The following CUX1 variants were observed in gnomAD, a reference collection of about 807,000 sequenced individuals.
CUX1 encodes protein CASP.
CUX1 carries 31 observed loss-of-function variants against 158.8 expected under a neutral mutation model. The ratio of observed to expected loss-of-function variants is 0.20; its 90% CI spans 0.15 to 0.26. The LOEUF is 0.26. CUX1 is among the 10% of genes least tolerant of loss of function. The pLI, the probability that CUX1 is intolerant of heterozygous loss-of-function variation, is 1.00. For synonymous variants in CUX1, 879 were observed against 862.1 expected, an observed-to-expected ratio of 1.02 and a Z score of -0.34; for missense variants, 1,589 against 2,014.6, an observed-to-expected ratio of 0.79 and a Z score of 4.04.
At chr7:102,165,046 G>A (rs1790864049) in intron 9 of CUX1, among the ~76,000 whole-genome samples, 1 of 152,174 alleles carries the variant, frequency 6.6e-6, no homozygotes, top group South Asian at 2.1e-4. Context: ...GTTCTCTCTT[G>A]TTGGTTCCAG....
intron 8 of CUX1, among the ~76,000 whole-genome samples, chr7:102,126,625 C>T (rs1015433532): frequency 1.3e-5 from 2 of 152,066 alleles, no homozygotes; most frequent in African/African-American, 2.4e-5. Flanking sequence ...CTATTTTAAG[C>T]GTGCTCAGAA....
At chr7:101,816,400 G>A (rs897270366), upstream of CUX1, among the ~76,000 whole-genome samples, 3 of 142,550 alleles carry the variant, frequency 2.1e-5, no homozygotes, top group Non-Finnish European at 4.7e-5. Flanking sequence ...GCCCCCCCGG[G>A]CCCCGCGCCG....
chr7:102,129,318 T>C (rs111622214), intron 8 of CUX1, among the ~76,000 whole-genome samples: 14 of 152,238 alleles, frequency 9.2e-5, no homozygotes, highest in Admixed American at 2.0e-4. Context: ...TGCCACTAAA[T>C]GTGGTGGCCA....
chr7:101,946,625 G>A (rs969092100), intron 2 of CUX1, among the ~76,000 whole-genome samples: 3 of 151,816 alleles, frequency 2.0e-5, no homozygotes, highest in Non-Finnish European at 4.4e-5. Context: ...GGCAAATGTT[G>A]GGTTGGATTT....
intron 2 of CUX1, among the ~76,000 whole-genome samples, chr7:101,973,161 A>G (rs148566430): frequency 1.3e-5 from 2 of 152,298 alleles, no homozygotes; most frequent in African/African-American, 4.8e-5. Context: ...TTGGGGTTTC[A>G]GCAGAGCCAG....
intron 23 of CUX1, among the ~76,000 whole-genome samples, chr7:102,246,174 G>A (rs560137418): frequency 9.2e-5 from 14 of 152,056 alleles, no homozygotes; most frequent in African/African-American, 3.1e-4. Context: ...ATAGCCTCCC[G>A]CCTCCCCAAC....
chr7:102,248,395 C>A lies in CUX1; in HGVS notation c.3888-17C>A. On this transcript the variant is annotated splice_polypyrimidine_tract_variant and intron_variant, in intron 23 of 23. Coordinates refer to ENST00000292535, the MANE Select transcript of CUX1 (RefSeq NM_181552.4). The surrounding 1 kb of genome is among the most constrained non-coding windows in gnomAD (Gnocchi z 5.8). ...AGCAGCACCCCCCTCACGTCCCCGC[C>A]GCTTGTTGTCTTGTAGGTCTCGGAT... 1 of 1,577,350 alleles carries A rather than the reference C, an allele frequency of 6.3e-7. No homozygotes were observed. Among genetic ancestry groups the A allele is most frequent in the Non-Finnish European group, 8.6e-7 (1 of 1,167,980 alleles).
chr7:102,219,055 A>AAAACACACACACACACACAC (rs1335700833), intron 20 of CUX1, among the ~76,000 whole-genome samples: 1 of 126,248 alleles, frequency 7.9e-6, no homozygotes, highest in Non-Finnish European at 1.6e-5. Flanking sequence ...CCTGCCTCAA[A>AAAACACACACACACACACAC]ACACACACAC....
At chr7:102,163,474 G>A (rs1449283338) in intron 9 of CUX1, among the ~76,000 whole-genome samples, 3 of 152,160 alleles carry the variant, frequency 2.0e-5, no homozygotes, top group South Asian at 2.1e-4. Context: ...CTGGTAGGAC[G>A]GGACCTGGCC....
chr7:101,916,463 G>C lies in CUX1; in HGVS notation c.141+238G>C, dbSNP rs1167889342. ...AATATGAAAGTCAGAGCCAATTCCAGGTGCAGATACTGGACAAGCTTGGTC... is the reference window on the plus strand; with the variant it reads ...AATATGAAAGTCAGAGCCAATTCCACGTGCAGATACTGGACAAGCTTGGTC... On this transcript the variant is annotated intron_variant, in intron 2 of 23. Coordinates refer to ENST00000292535, the MANE Select transcript of CUX1 (RefSeq NM_181552.4). This position sits in a 1 kb window ranked among gnomAD's most constrained non-coding sequence, Gnocchi z 4.4. 1 of 412,036 alleles carries C rather than the reference G, an allele frequency of 2.4e-6. No individual in the cohort carries two copies. Among genetic ancestry groups the C allele is most frequent in the Non-Finnish European group, 4.6e-6 (1 of 215,842 alleles). The allele number at this position is 412,036 out of a possible 1,614,324, so 25.5% of individuals were successfully genotyped here.
Position 102,239,602 on chromosome 7 carries a change from C to A in CUX1, c.3887+18C>A. On this transcript the variant is annotated intron_variant, in intron 23 of 23. Transcript: ENST00000292535. ...AACTACAGGTACGACGGCTGGCTCA[C>A]AGGGAGCGCCGGTCGGCCCAGGGGA... 6.2e-7 allele frequency: 1 copy of A among 1,604,080 alleles called. No homozygotes were observed. Among genetic ancestry groups the A allele is most frequent in the Non-Finnish European group, 8.5e-7 (1 of 1,172,492 alleles).
rs139293638 is a variant in CUX1 at position 102,280,082 on chromosome 7, G to A, written c.1726G>A (p.Glu576Lys). ...GGAGCTGCGGTACTCGTCCCAGTACGAGGAGCGCCTGGACCCCTTCTCCTC... is the reference window on the plus strand; with the variant it reads ...GGAGCTGCGGTACTCGTCCCAGTACAAGGAGCGCCTGGACCCCTTCTCCTC... The change falls in exon 19 of 23, where the codon GAG becomes AAG. Residue 576 changes from glutamate (E) to lysine (K), a missense_variant. Glu to Lys is a moderately conservative substitution (Grantham distance 56, BLOSUM62 1). Coordinates refer to the CUX1 transcript ENST00000292538. 214 of 1,611,092 alleles carry A rather than the reference G, an allele frequency of 1.3e-4. No individual in the cohort carries two copies. The East Asian group carries it at 2.7e-3, about 20-fold the overall frequency.
At chr7:101,913,275 G>A (rs940624713) in intron 1 of CUX1, 4 of 833,634 alleles carry the variant, frequency 4.8e-6, no homozygotes, top group South Asian at 1.5e-5. Context: ...CTGTGGTGGC[G>A]GGTGGCGGCT....
intron 2 of CUX1, among the ~76,000 whole-genome samples, chr7:102,003,451 G>C (rs956842003): frequency 1.3e-5 from 2 of 152,166 alleles, no homozygotes; most frequent in African/African-American, 4.8e-5. Flanking sequence ...GACCAGAGCA[G>C]GGCTGGAGTG....
intron 20 of CUX1, among the ~76,000 whole-genome samples, chr7:102,211,535 C>G (rs1169676905): frequency 6.6e-6 from 1 of 151,968 alleles, no homozygotes; most frequent in Non-Finnish European, 1.5e-5. Context: ...AATCCCAGCA[C>G]TTTGAGAGGC....
rs891627510 is a variant in CUX1 at position 101,928,733 on chromosome 7, C to T, written c.141+12508C>T. Among the ~76,000 whole-genome samples the T allele has an allele frequency of 3.6e-4, 53 of 147,236 alleles. 1 individual carries two copies. The highest frequency in any genetic ancestry group is 6.4e-4 in the Non-Finnish European group (43 of 67,176). On this transcript the variant is annotated intron_variant, in intron 2 of 23. Transcript: ENST00000292535. ...TCACCCAGGCTGGAGTGCAGGGGCG[C>T]GATCTCGGCTCACTGCAAGCTCCGC...
intron 8 of CUX1, among the ~76,000 whole-genome samples, chr7:102,122,441 A>G (rs1832147297): frequency 6.7e-6 from 1 of 149,712 alleles, no homozygotes; most frequent in East Asian, 2.0e-4. Context: ...TGGATTTTGT[A>G]GAATTCTTGG....
In CUX1 at chr7:101,946,715, G is replaced by A. The variant is rs113972601; in HGVS notation, c.141+30490G>A. On this transcript the variant is annotated intron_variant, in intron 2 of 23. Coordinates refer to ENST00000292535, the MANE Select transcript of CUX1 (RefSeq NM_181552.4). ...ACTCACTGCTAAGCCTTTCAGATGA[G>A]TTCCCCGTGGTCATCAGAGGTAGGC... Among the ~76,000 whole-genome samples the A allele has an allele frequency of 9.2e-5, 14 of 152,228 alleles. 3 individuals are homozygous for A. The highest frequency in any genetic ancestry group is 2.6e-4 in the Admixed American group (4 of 15,282).
Position 102,170,568 on chromosome 7 carries a change from C to G in CUX1, c.828+18C>G, listed in dbSNP as rs782104371. The G allele has an allele frequency of 1.9e-6, 3 of 1,545,262 alleles. No individual in the cohort carries two copies. In the South Asian group the frequency reaches 3.6e-5, roughly 18 times the overall value. ...CAGACGTGGTGGGTAGCCCCGGCCC[C>G]GTGGGGGACTGTCCCCGCCTGGCCT... is the stretch of plus-strand genomic sequence containing the variant. On this transcript the variant is annotated intron_variant, in intron 10 of 23. Coordinates refer to ENST00000292535, the MANE Select transcript of CUX1 (RefSeq NM_181552.4).
Sources: gnomAD v4.1 joint callset for allele counts (sites outside exome capture counted in the v4.1 genomes callset) on GRCh38, gnomAD v4.1.1 for gene constraint, Gnocchi (gnomAD v3.1) non-coding constraint, MANE v1.5 for transcripts, NCBI Gene and HGNC (gene_info 2026-07-23, HGNC 2026-07-21) for gene names.